The following ARFGEF3 variants were observed in gnomAD, a reference collection of about 807,000 sequenced individuals.
ARFGEF3 encodes the protein ARFGEF family member 3.
ARFGEF3 carries 96 observed loss-of-function variants against 221.7 expected under a neutral mutation model. The observed-to-expected ratio is 0.43, with a 90% CI of 0.37 to 0.51. The LOEUF is 0.51. Ranked by LOEUF, ARFGEF3 falls within the 20% of genes least tolerant of loss-of-function variation. The probability of loss-of-function intolerance (pLI) is 0.00; values close to 1 mark genes in which losing one functional copy is unlikely to be tolerated. For missense variants in ARFGEF3, 2,410 were observed against 2,789.9 expected (o/e 0.86, Z 3.07); for synonymous variants, 1,145 against 1,126.8 (o/e 1.02, Z -0.32).
chr6:138,302,291 G>T (rs1368271951), intron 22 of ARFGEF3, among the ~76,000 whole-genome samples: 1 of 152,078 alleles, frequency 6.6e-6, no homozygotes, highest in East Asian at 1.9e-4. Flanking sequence ...GAGTTGAGAA[G>T]GGCAATAACT....
chr6:138,286,796 A>G lies in ARFGEF3; in HGVS notation c.2665A>G (p.Lys889Glu), dbSNP rs770225637. 8 of 1,614,064 alleles carry G rather than the reference A, an allele frequency of 5.0e-6. No individual in the cohort carries two copies. The highest frequency in any genetic ancestry group is 6.8e-6 in the Non-Finnish European group (8 of 1,179,904). Residue 889 changes from lysine (K) to glutamate (E), a missense_variant, in exon 16 of 34, where the codon AAA becomes GAA. By Grantham distance (56) the Lys-to-Glu change is moderately conservative. This residue lies in a region of ARFGEF3 where 594 missense variants were observed against 734.3 expected (regional missense o/e 0.81). Coordinates refer to ENST00000251691, the MANE Select transcript of ARFGEF3 (RefSeq NM_020340.5). ...PLTGRMAGSS[K>E]GLAFILGAEG... is the part of the protein sequence containing the mutation. ...GACTGGTCGAATGGCGGGGAGCTCC[A>G]AAGGGCTGGCCTTCATTCTGGGAGC... is the stretch of plus-strand genomic sequence containing the variant.
At chr6:138,270,278 A>G (rs972388132) in intron 12 of ARFGEF3, among the ~76,000 whole-genome samples, 1 of 152,244 alleles carries the variant, frequency 6.6e-6, no homozygotes. Context: ...AAAACCAACT[A>G]TGGATTCAGA....
chr6:138,298,129 C>T lies in ARFGEF3; in HGVS notation c.3649-477C>T, dbSNP rs1212405834. 3.9e-5 allele frequency among the ~76,000 whole-genome samples: 6 copies of T among 152,284 alleles called. No homozygotes were observed. The East Asian group carries it at 7.7e-4, about 20-fold the overall frequency. Reference sequence around the variant, plus strand: ...CACACATCCAAGCCCAGGGCCAGTACAGGAAAGGATTACTCAAGAGCATGG... The same window carrying T: ...CACACATCCAAGCCCAGGGCCAGTATAGGAAAGGATTACTCAAGAGCATGG... On this transcript the variant is annotated intron_variant, in intron 21 of 33. Coordinates refer to ENST00000251691, the MANE Select transcript of ARFGEF3 (RefSeq NM_020340.5).
chr6:138,264,903 CT>C (rs777385641), intron 12 of ARFGEF3, among the ~76,000 whole-genome samples: 335 of 137,318 alleles, frequency 2.4e-3, no homozygotes, highest in East Asian at 0.012. Context: ...TTTTTTTTTC[CT>C]TTTTTTTTTT....
chr6:138,321,072 T>G (rs1780018840), intron 28 of ARFGEF3, 39 bp from the exon 29 acceptor site: 1 of 1,214,222 alleles, frequency 8.2e-7, no homozygotes, highest in East Asian at 2.5e-5. Context: ...CCCTTTACAC[T>G]AGAGCTGTGT....
At chr6:138,261,492 C>T in intron 10 of ARFGEF3, 35 bp from the exon 11 acceptor site, 2 of 1,332,414 alleles carry the variant, frequency 1.5e-6, no homozygotes, top group Admixed American at 2.5e-5. Flanking sequence ...TTGTGATATT[C>T]ACTTTTCTGT....
intron 19 of ARFGEF3, 56 bp downstream of exon 19, chr6:138,292,109 A>C: frequency 7.5e-7 from 1 of 1,341,470 alleles, no homozygotes; most frequent in Non-Finnish European, 9.6e-7. Context: ...CGACACCCAC[A>C]TCCATCTGGT....
At chr6:138,215,410 A>G (rs1199494513) in intron 4 of ARFGEF3, among the ~76,000 whole-genome samples, 1 of 152,138 alleles carries the variant, frequency 6.6e-6, no homozygotes, top group Admixed American at 6.5e-5. Context: ...TTTTATGTGC[A>G]TTTTTAGATA....
rs80104385 is a variant in ARFGEF3 at position 138,218,298 on chromosome 6, G to T, written c.351+8257G>T. 5.9e-4 allele frequency: 931 copies of T among 1,584,956 alleles called. 13 individuals carry two copies. The East Asian group carries it at 0.02, about 34-fold the overall frequency. On this transcript the variant is annotated intron_variant, in intron 4 of 33. Coordinates refer to ENST00000251691, the MANE Select transcript of ARFGEF3 (RefSeq NM_020340.5). The stretch of plus-strand genomic sequence containing the variant: ...TGGAGCTAGAATGCCTGGTAGCCTT[G>T]GGAAGTTACTTAATCTGTGCCTCAA...
chr6:138,331,231 C>T (rs988473552), intron 32 of ARFGEF3, among the ~76,000 whole-genome samples: 1 of 151,112 alleles, frequency 6.6e-6, no homozygotes, highest in African/African-American at 2.5e-5. Flanking sequence ...TAGGCAATTA[C>T]CCACTCACTG....
chr6:138,212,398 G>A (rs1425581332), intron 4 of ARFGEF3, among the ~76,000 whole-genome samples: 1 of 152,208 alleles, frequency 6.6e-6, no homozygotes, highest in South Asian at 2.1e-4. Flanking sequence ...AGAGAAATAG[G>A]AACGCTTTTA....
At chr6:138,209,607 G>A (rs1217058671) in intron 3 of ARFGEF3, among the ~76,000 whole-genome samples, 5 of 151,886 alleles carry the variant, frequency 3.3e-5, no homozygotes, top group African/African-American at 9.7e-5. Context: ...CCGCCACCAC[G>A]CCTGGCTAAT....
intron 14 of ARFGEF3, among the ~76,000 whole-genome samples, chr6:138,281,879 A>G (rs185405041): frequency 4.6e-4 from 70 of 152,230 alleles, no homozygotes; most frequent in African/African-American, 1.7e-3. Flanking sequence ...TTGCCTTAGT[A>G]AGTTAGAGCT....
chr6:138,297,060 T>C (rs1779539152), intron 21 of ARFGEF3, 105 bp downstream of exon 21: 3 of 1,321,716 alleles, frequency 2.3e-6, no homozygotes, highest in South Asian at 1.4e-5. Context: ...ACTGTGGCCA[T>C]TGGGCAGTGG....
At chr6:138,269,151 G>A (rs947551968) in intron 12 of ARFGEF3, among the ~76,000 whole-genome samples, 2 of 152,162 alleles carry the variant, frequency 1.3e-5, no homozygotes, top group Non-Finnish European at 2.9e-5. Context: ...CGGGTGTCCC[G>A]CCAACCCTGC....
chr6:138,279,534 A>T (rs9494996), intron 13 of ARFGEF3, among the ~76,000 whole-genome samples: 1 of 152,172 alleles, frequency 6.6e-6, no homozygotes, highest in Admixed American at 6.5e-5. Flanking sequence ...ATGGATCTAC[A>T]TGAAGGAAAT....
At chr6:138,236,345 CTG>C (rs1027040342) in intron 5 of ARFGEF3, among the ~76,000 whole-genome samples, 1 of 151,880 alleles carries the variant, frequency 6.6e-6, no homozygotes, top group Non-Finnish European at 1.5e-5. Flanking sequence ...TTAAAGAAAA[CTG>C]TTAAATTATG....
At chr6:138,286,406 T>A (rs203134) in intron 15 of ARFGEF3, among the ~76,000 whole-genome samples, 1 of 148,188 alleles carries the variant, frequency 6.7e-6, no homozygotes, top group African/African-American at 2.5e-5. Flanking sequence ...GCCGAGATTG[T>A]GCCACTGCAC....
At chr6:138,173,150 C>CT (rs10586567) in intron 2 of ARFGEF3, among the ~76,000 whole-genome samples, 30 of 150,566 alleles carry the variant, frequency 2.0e-4, no homozygotes, top group South Asian at 1.3e-3. Context: ...AAGAGTTCAC[C>CT]TTTTTTTTTG....
Sources: allele counts gnomAD v4.1 joint callset (sites outside exome capture counted in the v4.1 genomes callset), GRCh38; gene constraint gnomAD v4.1.1; regional missense constraint gnomAD v4.1.1; transcripts MANE v1.5; gene names NCBI Gene and HGNC (gene_info 2026-07-23, HGNC 2026-07-21).